LZTS1: variants seen among roughly 807,000 people sequenced by gnomAD.
LZTS1 encodes leucine zipper tumor suppressor 1.
A neutral mutation model predicts 45.8 loss-of-function variants in LZTS1; 31 were observed. The observed-to-expected ratio is 0.68, with a 90% confidence interval of 0.51 to 0.91. The LOEUF is 0.91. Among genes scored for constraint, LZTS1 ranks in the 40% least tolerant of loss-of-function variants. The pLI, the probability that LZTS1 is intolerant of heterozygous loss-of-function variation, is 0.00. For missense variants in LZTS1, 821 were observed against 788.9 expected (o/e 1.04, Z -0.49); for synonymous variants, 359 against 357.3 (o/e 1.00, Z -0.05).
At position 20,253,630 on chromosome 8, in the gene LZTS1, C is replaced by T. The variant is rs970461364; in HGVS notation, c.346-45G>A. The T allele has an allele frequency of 1.1e-5, 15 of 1,388,492 alleles. No homozygotes were observed. In the Admixed American group the frequency reaches 1.2e-4, roughly 11 times the overall value. The allele number at this position is 1,388,492 out of a possible 1,614,324, so 86.0% of individuals were successfully genotyped here. ...CGGTGACTCATGCCTCCCCTGCGCG[C>T]GCATTGCACCCTCCCTCCCCAGGCA... is the stretch of plus-strand genomic sequence containing the variant. On this transcript the variant is annotated intron_variant, in intron 2 of 3. Coordinates refer to ENST00000381569, the MANE Select transcript of LZTS1 (RefSeq NM_021020.5).
rs146878421 is a variant in LZTS1 at position 20,249,838 on chromosome 8, G to T, written c.1675C>A (p.Arg559Ser). ...AGCTGCTGCAGGGCCTTCTCCAGGC[G>T]CTGGTTCCGCTGGTACATGGCCACG... ...SYVAMYQRNQRLEKALQQLAR... is the reference protein window; with the variant it reads ...SYVAMYQRNQSLEKALQQLAR... Residue 559 changes from arginine to serine, a missense_variant, in exon 4 of 4, where the codon CGC (arginine) becomes AGC (serine). Arg to Ser is a moderately radical substitution (Grantham distance 110). Transcript: ENST00000381569. The T allele has an allele frequency of 8.1e-6, 13 of 1,614,188 alleles. No homozygotes were observed. The highest frequency in any genetic ancestry group is 1.0e-5 in the Non-Finnish European group (12 of 1,180,022).
Position 20,249,761 on chromosome 8 carries a change from A to T in LZTS1, c.1752T>A (p.Ala584=), listed in dbSNP as rs750598448. Residue 584 remains alanine, a synonymous_variant, in exon 4 of 4, where the codon GCT becomes GCA. Transcript: ENST00000381569. The part of the protein sequence containing the change: ...GEPLEVDLEG[A]DIPYEDIIAT... ...CTATGATGTCCTCGTAGGGGATGTC[A>T]GCCCCTTCCAGGTCAACCTCCAAGG... The T allele has an allele frequency of 6.2e-7, 1 of 1,612,272 alleles. No individual in the cohort carries two copies. The highest frequency in any genetic ancestry group is 1.3e-5 in the African/African-American group (1 of 74,934).
chr8:20,292,990 T>C (rs1800923907), intron 1 of LZTS1, among the ~76,000 whole-genome samples: 2 of 152,116 alleles, frequency 1.3e-5, no homozygotes, highest in Non-Finnish European at 2.9e-5. Context: ...TAAATAATCC[T>C]GGACCCAGCA....
intron 1 of LZTS1, among the ~76,000 whole-genome samples, chr8:20,269,307 C>A (rs1800427977): frequency 6.6e-6 from 1 of 152,156 alleles, no homozygotes; most frequent in Admixed American, 6.5e-5. Context: ...TGGGTGCAAT[C>A]TCCAGAGGAG....
Position 20,253,285 on chromosome 8 carries a change from C to T in LZTS1, c.646G>A (p.Gly216Ser), listed in dbSNP as rs767033859. Residue 216 changes from glycine (G) to serine (S), a missense_variant, in exon 3 of 4, where the codon GGC becomes AGC. Gly to Ser is a moderately conservative substitution (Grantham distance 56). Transcript: ENST00000381569. ...FGGSAHNITQ[G>S]IVLQDSNMMS... Reference sequence around the variant, plus strand: ...ATGTTGCTGTCCTGGAGGACGATGCCCTGGGTGATGTTGTGGGCGGAGCCC... The same window carrying T: ...ATGTTGCTGTCCTGGAGGACGATGCTCTGGGTGATGTTGTGGGCGGAGCCC... 1.2e-5 allele frequency: 19 copies of T among 1,614,074 alleles called. No individual in the cohort carries two copies. The highest frequency in any genetic ancestry group is 1.5e-5 in the Non-Finnish European group (18 of 1,180,036).
Position 20,287,604 on chromosome 8 carries a change from G to A in LZTS1, c.-135+16136C>T, listed in dbSNP as rs147325351. The stretch of plus-strand genomic sequence containing the variant: ...ATGCTCCCAGAACTCAGTCCAGAGA[G>A]AGAAGAGTGAGTGAAGGGGAGAAAG... On this transcript the variant is annotated intron_variant, in intron 1 of 3. Coordinates refer to ENST00000381569, the MANE Select transcript of LZTS1 (RefSeq NM_021020.5). Among the ~76,000 whole-genome samples the A allele has an allele frequency of 1.7e-4, 26 of 152,236 alleles. No homozygotes were observed. The East Asian group carries it at 4.7e-3, about 27-fold the overall frequency.
At chr8:20,259,876 GTACTAATC>G (rs112647439) in intron 1 of LZTS1, among the ~76,000 whole-genome samples, 2 of 152,014 alleles carry the variant, frequency 1.3e-5, no homozygotes, top group African/African-American at 2.4e-5. Context: ...GCTCTCACCT[GTACTAATC>G]TTATTATTTT....
At chr8:20,271,897 T>C (rs1800481058) in intron 1 of LZTS1, among the ~76,000 whole-genome samples, 1 of 152,234 alleles carries the variant, frequency 6.6e-6, no homozygotes, top group East Asian at 1.9e-4. Context: ...CCTGGCTTGA[T>C]GTGCCTGGTG....
rs745917836 is a variant in LZTS1, at chr8:20,270,797, C to CTGTGTGTG, written c.-134-15483_-134-15482insCACACACA. ...ATCTTTTAGATGCACCGAGTGTGTCCTCTGTGTGTGTGTGTGTGTGTGTGT... is the reference window on the plus strand; with the variant it reads ...ATCTTTTAGATGCACCGAGTGTGTCCTGTGTGTGTCTGTGTGTGTGTGTGTGTGTGTGT... On this transcript the variant is annotated intron_variant, in intron 1 of 3. Transcript: ENST00000381569. 7.1e-3 allele frequency among the ~76,000 whole-genome samples: 710 copies of CTGTGTGTG among 99,388 alleles called. 11 individuals carry two copies. Among genetic ancestry groups the CTGTGTGTG allele is most frequent in the African/African-American group, 0.019 (535 of 28,260 alleles). The allele number at this position is 99,388 out of a possible 152,430, so 65.2% of individuals were successfully genotyped here. A position where few individuals can be genotyped will look rare whatever the true frequency, so the allele number is the denominator to read the frequency against.
In LZTS1 at chr8:20,253,030, G is replaced by A. The variant is rs754615238; in HGVS notation, c.901C>T (p.Arg301Cys). The A allele has an allele frequency of 7.5e-6, 12 of 1,601,998 alleles. No individual in the cohort carries two copies. The highest frequency in any genetic ancestry group is 2.2e-5 in the South Asian group (2 of 90,802). ...GGGCCCTCCAGCTCGTCCCTGCAGC[G>A]CCGCGGCCGCTCCTCGTAGGCCAGG... ...SSLAYEERPR[R>C]CRDELEGPEP... Residue 301 changes from arginine (R) to cysteine (C), a missense_variant, in exon 3 of 4, where the codon CGC becomes TGC. Arg to Cys is a radical substitution (Grantham distance 180). Transcript: ENST00000381569.
In LZTS1 at chr8:20,249,952, T is replaced by G; in HGVS notation, c.1561A>C (p.Met521Leu). Residue 521 changes from methionine to leucine, a missense_variant, in exon 4 of 4, where the codon ATG becomes CTG. Coordinates refer to ENST00000381569, the MANE Select transcript of LZTS1 (RefSeq NM_021020.5). ...LREERQGHDQ[M>L]SSGFQHERLV... ...CGCTCATGCTGGAAGCCCGAGGACA[T>G]CTGGTCATGGCCTTGCCGCTCCTCC... 6.2e-7 allele frequency: 1 copy of G among 1,614,084 alleles called. No individual in the cohort carries two copies. The highest frequency in any genetic ancestry group is 1.7e-5 in the Admixed American group (1 of 60,028).
chr8:20,271,861 C>T (rs1030507497), intron 1 of LZTS1, among the ~76,000 whole-genome samples: 2 of 152,202 alleles, frequency 1.3e-5, no homozygotes, highest in African/African-American at 4.8e-5. Flanking sequence ...TAGCCATAGG[C>T]GAGCCAGGTG....
At chr8:20,288,733 C>T (rs79875126) in intron 1 of LZTS1, among the ~76,000 whole-genome samples, 4,118 of 152,196 alleles carry the variant, frequency 0.027, 169 homozygotes, top group African/African-American at 0.087. Flanking sequence ...CTTCCCTGCT[C>T]CTCTAGAACT....
chr8:20,267,617 G>A (rs1800387954), intron 1 of LZTS1, among the ~76,000 whole-genome samples: 1 of 152,160 alleles, frequency 6.6e-6, no homozygotes, highest in African/African-American at 2.4e-5. Flanking sequence ...CCGGGTTCAA[G>A]TGACTCTTCT....
Position 20,303,789 on chromosome 8 carries a change from T to C in LZTS1, c.-184A>G, listed in dbSNP as rs1279089989. 1.3e-5 allele frequency: 13 copies of C among 984,370 alleles called. No homozygotes were observed. Among genetic ancestry groups the C allele is most frequent in the Non-Finnish European group, 1.6e-5 (13 of 829,910 alleles). The allele number at this position is 984,370 out of a possible 1,614,324, so 61.0% of individuals were successfully genotyped here. On this transcript the variant is annotated 5_prime_UTR_variant, in exon 1 of 4. Coordinates refer to ENST00000381569, the MANE Select transcript of LZTS1 (RefSeq NM_021020.5). ...TTGAGACTTTTTTTTTTTCCCAGTGTTTCCCGGTGTGTTCCCGTCTCTCTT... is the reference window on the plus strand; with the variant it reads ...TTGAGACTTTTTTTTTTTCCCAGTGCTTCCCGGTGTGTTCCCGTCTCTCTT...
At chr8:20,266,750 G>C (rs148679718) in intron 1 of LZTS1, among the ~76,000 whole-genome samples, 144 of 152,360 alleles carry the variant, frequency 9.5e-4, no homozygotes, top group African/African-American at 3.4e-3. Context: ...GTTAGAGCCA[G>C]TTTGTCTCTG....
At chr8:20,302,663 C>T (rs750977085) in intron 1 of LZTS1, among the ~76,000 whole-genome samples, 2 of 152,170 alleles carry the variant, frequency 1.3e-5, no homozygotes, top group African/African-American at 4.8e-5. Context: ...GAACTCAGTG[C>T]CTCCTCAGTA....
In LZTS1 at chr8:20,293,918, G is replaced by C. The variant is rs530037677; in HGVS notation, c.-135+9822C>G. Among the ~76,000 whole-genome samples, 3 of 151,988 alleles carry C rather than the reference G, an allele frequency of 2.0e-5. No individual in the cohort carries two copies. In the South Asian group the frequency reaches 6.2e-4, roughly 32 times the overall value. ...AGCCTGGACAACAGAGCATGACTCT[G>C]CCTCAAAAAAACAAATAACAATAAT... On this transcript the variant is annotated intron_variant, in intron 1 of 3. Transcript: ENST00000381569.
At chr8:20,298,154 C>T (rs1001764249) in intron 1 of LZTS1, among the ~76,000 whole-genome samples, 9 of 152,050 alleles carry the variant, frequency 5.9e-5, no homozygotes, top group South Asian at 2.1e-4. Context: ...CTCCACCTCC[C>T]GGGTTCAAGA....
Sources: allele counts gnomAD v4.1 joint callset (sites outside exome capture counted in the v4.1 genomes callset), GRCh38; gene constraint gnomAD v4.1.1; transcripts MANE v1.5; gene names NCBI Gene and HGNC (gene_info 2026-07-23, HGNC 2026-07-21).